The following CDH13 variants were observed in gnomAD, a reference collection of about 807,000 sequenced individuals.
CDH13 encodes cadherin-13.
Under a neutral mutation model 63.8 loss-of-function variants are expected in CDH13, and 24 were observed. The ratio of observed to expected loss-of-function variants is 0.38; its 90% confidence interval spans 0.27 to 0.53. The LOEUF is 0.53. CDH13 is among the 20% of genes least tolerant of loss of function. CDH13 has a pLI of 0.85. For synonymous variants in CDH13, 503 were observed against 355.3 expected (o/e 1.42, Z -4.67); for missense variants, 1,049 against 903.1 (o/e 1.16, Z -2.07).
At chr16:83,323,792 C>T (rs887367869) in intron 5 of CDH13, among the ~76,000 whole-genome samples, 7 of 152,192 alleles carry the variant, frequency 4.6e-5, no homozygotes, top group Non-Finnish European at 7.3e-5. Flanking sequence ...CTAGCCCATA[C>T]AGTTTCCTCT....
chr16:82,735,383 C>T (rs2033622093), intron 1 of CDH13, among the ~76,000 whole-genome samples: 1 of 152,206 alleles, frequency 6.6e-6, no homozygotes, highest in African/African-American at 2.4e-5. Flanking sequence ...GGGTCTGTCC[C>T]TGCAGTGACT....
At chr16:83,406,164 A>T (rs1401264941) in intron 6 of CDH13, among the ~76,000 whole-genome samples, 1 of 152,214 alleles carries the variant, frequency 6.6e-6, no homozygotes, top group Admixed American at 6.5e-5. Flanking sequence ...GCCCCTGTCT[A>T]TGAAAGGGCA....
At chr16:82,868,763 T>C (rs2040242717) in intron 2 of CDH13, among the ~76,000 whole-genome samples, 1 of 152,214 alleles carries the variant, frequency 6.6e-6, no homozygotes, top group Non-Finnish European at 1.5e-5. Flanking sequence ...AAAAGGAATT[T>C]GTCATTAACA....
At chr16:83,014,290 G>T (rs566648922) in intron 2 of CDH13, among the ~76,000 whole-genome samples, 1 of 140,086 alleles carries the variant, frequency 7.1e-6, no homozygotes, top group African/African-American at 2.7e-5. Flanking sequence ...CCGTTAGCGT[G>T]AGGAGACAAC....
intron 5 of CDH13, among the ~76,000 whole-genome samples, chr16:83,259,641 A>T (rs577690295): frequency 1.2e-3 from 177 of 152,020 alleles, no homozygotes; most frequent in African/African-American, 3.9e-3. Flanking sequence ...TCAGTCTCAA[A>T]TTTTTTTTTA....
chr16:82,681,814 G>C (rs977175017), intron 1 of CDH13, among the ~76,000 whole-genome samples: 2 of 152,346 alleles, frequency 1.3e-5, no homozygotes, highest in East Asian at 3.9e-4. Flanking sequence ...GGACTGACAT[G>C]CGTCAATGTG....
chr16:83,364,669 T>G (rs1369792723), intron 6 of CDH13, among the ~76,000 whole-genome samples: 1 of 152,208 alleles, frequency 6.6e-6, no homozygotes, highest in Non-Finnish European at 1.5e-5. Context: ...AGTGATAATT[T>G]GGGACTTTTA....
At chr16:83,517,122 G>GA (rs1338740474) in intron 7 of CDH13, among the ~76,000 whole-genome samples, 1 of 152,228 alleles carries the variant, frequency 6.6e-6, no homozygotes, top group Non-Finnish European at 1.5e-5. Context: ...TGATCCCAGA[G>GA]AGACTACAGT....
intron 4 of CDH13, among the ~76,000 whole-genome samples, chr16:83,177,481 C>T (rs2038176718): frequency 6.6e-6 from 1 of 152,210 alleles, no homozygotes; most frequent in Non-Finnish European, 1.5e-5. Context: ...AGCCAAGCTA[C>T]TCATCCAAAA....
intron 6 of CDH13, among the ~76,000 whole-genome samples, chr16:83,420,629 T>G (rs1486009674): frequency 6.6e-6 from 1 of 152,182 alleles, no homozygotes; most frequent in Non-Finnish European, 1.5e-5. Flanking sequence ...TAATAGGATA[T>G]GTGTATATAT....
Position 83,286,755 on chromosome 16 carries a change from CAAA to C in CDH13, c.637-58096_637-58094del, listed in dbSNP as rs35774290. Among the ~76,000 whole-genome samples, 4 of 128,134 alleles carry C rather than the reference CAAA, an allele frequency of 3.1e-5. 1 individual carries two copies. Among genetic ancestry groups the C allele is most frequent in the African/African-American group, 1.1e-4 (4 of 35,420 alleles). 84.1% of individuals were successfully genotyped at this position (128,134 alleles called of 152,430 possible). On this transcript the variant is annotated intron_variant, in intron 5 of 13. Transcript: ENST00000567109. ...TGGGCAACAAAGTGCGACTCTGTCT[CAAA>C]AAAAAAAAAATGTATATATATATAT...
intron 8 of CDH13, among the ~76,000 whole-genome samples, chr16:83,666,828 C>G (rs78853273): frequency 1.2e-5 from 1 of 85,658 alleles, no homozygotes; most frequent in Non-Finnish European, 2.5e-5. Flanking sequence ...CACATACACA[C>G]ACACACATAC....
intron 3 of CDH13, among the ~76,000 whole-genome samples, chr16:83,051,127 C>A (rs74030372): frequency 0.031 from 4,676 of 152,270 alleles, 250 homozygotes; most frequent in African/African-American, 0.11. Context: ...CAAAGAATAA[C>A]TGTGATCATA....
rs1597793213 is a variant in CDH13 at position 83,342,888 on chromosome 16, C to G, written c.637-1974C>G. ...TTTTTGGTTGAGTTAAAGTCAAGTC[C>G]TTGGCTATTTTGGGAAGATGAAAAA... On this transcript the variant is annotated intron_variant, in intron 5 of 13. Coordinates refer to ENST00000567109, the MANE Select transcript of CDH13 (RefSeq NM_001257.5). Among the ~76,000 whole-genome samples, 4 of 97,404 alleles carry G rather than the reference C, an allele frequency of 4.1e-5. No homozygotes were observed. In the East Asian group the frequency reaches 1.3e-3, roughly 31 times the overall value. 63.9% of individuals were successfully genotyped at this position (97,404 alleles called of 152,430 possible). A position where few individuals can be genotyped will look rare whatever the true frequency, so the allele number is the denominator to read the frequency against.
chr16:83,643,133 T>C (rs1238757943), intron 8 of CDH13, among the ~76,000 whole-genome samples: 1 of 49,926 alleles, frequency 2.0e-5, no homozygotes, highest in African/African-American at 9.4e-5. Context: ...GGGACTGTGG[T>C]GGGGTCGGGG....
chr16:82,899,242 G>GT (rs1490068011), intron 2 of CDH13, among the ~76,000 whole-genome samples: 1 of 152,190 alleles, frequency 6.6e-6, no homozygotes, highest in African/African-American at 2.4e-5. Context: ...ATAAATTACA[G>GT]TAAGGGCAGT....
intron 5 of CDH13, among the ~76,000 whole-genome samples, chr16:83,314,725 T>C (rs1329409851): frequency 6.6e-6 from 1 of 152,260 alleles, no homozygotes; most frequent in Non-Finnish European, 1.5e-5. Context: ...GCGATTTTAC[T>C]GATTTCATGG....
intron 2 of CDH13, among the ~76,000 whole-genome samples, chr16:82,966,373 T>G (rs1907830371): frequency 6.6e-6 from 1 of 152,094 alleles, no homozygotes; most frequent in African/African-American, 2.4e-5. Flanking sequence ...GGTCTCGATT[T>G]CCTGACCTCG....
chr16:83,326,641 G>C (rs1052289246), intron 5 of CDH13, among the ~76,000 whole-genome samples: 6 of 152,106 alleles, frequency 3.9e-5, no homozygotes, highest in Admixed American at 6.5e-5. Context: ...CACAATCTAG[G>C]TGGTGGGTAG....
Sources: gnomAD v4.1 joint callset for allele counts (sites outside exome capture counted in the v4.1 genomes callset) on GRCh38, gnomAD v4.1.1 for gene constraint, MANE v1.5 for transcripts, NCBI Gene and HGNC (gene_info 2026-07-23, HGNC 2026-07-21) for gene names.